The following SZRD1 variants were observed in gnomAD, a reference collection of about 807,000 sequenced individuals.
SZRD1 encodes the protein SUZ RNA-binding domain-containing.
In SZRD1, 7 loss-of-function variants were observed where a neutral mutation model predicts 17.6. That is an observed-to-expected ratio of 0.40 (90% confidence interval 0.23 to 0.75). The LOEUF (loss-of-function observed/expected upper bound fraction) is 0.75, where lower values mean the gene tolerates loss of function less well. Ranked by LOEUF, SZRD1 falls within the 30% of genes least tolerant of loss-of-function variation. SZRD1 has a pLI of 0.38. For synonymous variants in SZRD1, 77 were observed against 77.9 expected (o/e 0.99, Z 0.06); for missense variants, 178 against 201.8 (o/e 0.88, Z 0.71).
intron 1 of SZRD1, among the ~76,000 whole-genome samples, chr1:16,369,758 A>T (rs984911583): frequency 3.3e-5 from 5 of 151,998 alleles, no homozygotes; most frequent in Non-Finnish European, 7.4e-5. Flanking sequence ...ACCCTATGGT[A>T]CATACCTGTA....
chr1:16,369,609 C>T, intron 1 of SZRD1: 2 of 601,716 alleles, frequency 3.3e-6, no homozygotes, highest in Non-Finnish European at 3.0e-6. Context: ...TGTACCGCGG[C>T]CAGGTGCTGT....
rs549064649 is a variant in SZRD1 at position 16,376,472 on chromosome 1, A to T, written c.51+9164A>T. Among the ~76,000 whole-genome samples the T allele has an allele frequency of 5.5e-4, 84 of 152,322 alleles. 1 individual carries two copies. The South Asian group carries it at 0.015, about 28-fold the overall frequency. Reference sequence around the variant, plus strand: ...TCGAAATCTTGATCATAAATGAGAAATAACTTTTTAACATTTGGCCAAGTG... The same window carrying T: ...TCGAAATCTTGATCATAAATGAGAATTAACTTTTTAACATTTGGCCAAGTG... On this transcript the variant is annotated intron_variant, in intron 1 of 3. Transcript: ENST00000401088.
rs987070056 is a variant in SZRD1 at position 16,393,094 on chromosome 1, G to A, written c.102-134G>A. The A allele has an allele frequency of 3.1e-6, 4 of 1,280,192 alleles. No individual in the cohort carries two copies. Among genetic ancestry groups the A allele is most frequent in the African/African-American group, 1.5e-5 (1 of 67,724 alleles). 79.3% of individuals were successfully genotyped at this position (1,280,192 alleles called of 1,614,324 possible). A position where few individuals can be genotyped will look rare whatever the true frequency, so the allele number is the denominator to read the frequency against. On this transcript the variant is annotated intron_variant, in intron 2 of 3. Coordinates refer to ENST00000401088, the MANE Select transcript of SZRD1 (RefSeq NM_001114600.3). The surrounding 1 kb of genome is among the most constrained non-coding windows in gnomAD (Gnocchi z 5.6). ...TTGAGGAGTGGAAATTTTGCTGTCT[G>A]GTCAGAGGCCAGAGAATCATGCATG...
At chr1:16,387,777 G>A (rs1157027995) in intron 1 of SZRD1, 1 of 445,900 alleles carries the variant, frequency 2.2e-6, no homozygotes, top group Non-Finnish European at 4.5e-6. Flanking sequence ...GAAGTTACTT[G>A]TGAGAAGCCC....
At chr1:16,377,789 C>T (rs2083029614) in intron 1 of SZRD1, among the ~76,000 whole-genome samples, 2 of 152,156 alleles carry the variant, frequency 1.3e-5, no homozygotes, top group Non-Finnish European at 2.9e-5. Context: ...CTTAGTAAAG[C>T]GTCATTCACA....
At chr1:16,378,410 G>A (rs921612504) in intron 1 of SZRD1, among the ~76,000 whole-genome samples, 7 of 149,518 alleles carry the variant, frequency 4.7e-5, no homozygotes, top group African/African-American at 1.7e-4. Flanking sequence ...TCAGCCTCCC[G>A]AGTAGCTGGA....
rs202230839 is a variant in SZRD1, at chr1:16,383,178, CTCCT to C, written c.52-8178_52-8175del. On this transcript the variant is annotated intron_variant, in intron 1 of 3. Transcript: ENST00000401088. ...CTTTTTCTTTTCTTTCTTTCTTTCT[CTCCT>C]TCCTTCCTTCCTTCCTTCTTGCTTG... is the stretch of plus-strand genomic sequence containing the variant. 4.6e-3 allele frequency among the ~76,000 whole-genome samples: 688 copies of C among 148,802 alleles called. 3 individuals carry two copies. Among genetic ancestry groups the C allele is most frequent in the East Asian group, 0.039 (195 of 5,032 alleles).
chr1:16,393,623 C>A lies in SZRD1; in HGVS notation c.356+141C>A. ...ATGCAGCTCCACTTGCTGATCCCAG[C>A]CTGCTGGCACTAGTTCACTGTGCCG... On this transcript the variant is annotated intron_variant, in intron 3 of 3. Coordinates refer to ENST00000401088, the MANE Select transcript of SZRD1 (RefSeq NM_001114600.3). The surrounding 1 kb of genome is among the most constrained non-coding windows in gnomAD (Gnocchi z 5.6). 1.1e-6 allele frequency: 1 copy of A among 914,640 alleles called. No homozygotes were observed. The highest frequency in any genetic ancestry group is 1.6e-6 in the Non-Finnish European group (1 of 615,632). 56.7% of individuals were successfully genotyped at this position (914,640 alleles called of 1,614,324 possible).
intron 1 of SZRD1, among the ~76,000 whole-genome samples, chr1:16,371,618 C>G (rs1250578868): frequency 6.6e-6 from 1 of 151,718 alleles, no homozygotes; most frequent in African/African-American, 2.4e-5. Flanking sequence ...CCCACCACCA[C>G]GCCTGGCTAA....
intron 1 of SZRD1, among the ~76,000 whole-genome samples, chr1:16,386,620 C>G (rs80285479): frequency 6.6e-6 from 1 of 152,184 alleles, no homozygotes; most frequent in African/African-American, 2.4e-5. Context: ...CCCTCTCCAG[C>G]TGCTGGCAGA....
intron 1 of SZRD1, 71 bp downstream of exon 1, chr1:16,367,379 G>A: frequency 7.0e-7 from 1 of 1,433,822 alleles, no homozygotes; most frequent in Non-Finnish European, 9.5e-7. Flanking sequence ...CGGGGAGCGG[G>A]TCTGGAGATA....
intron 1 of SZRD1, among the ~76,000 whole-genome samples, chr1:16,384,016 G>A (rs2083148651): frequency 6.6e-6 from 1 of 152,204 alleles, no homozygotes; most frequent in South Asian, 2.1e-4. Flanking sequence ...AATATGTGAA[G>A]CATCCCTGTA....
At chr1:16,392,879 C>T (rs143959026) in intron 2 of SZRD1, among the ~76,000 whole-genome samples, 1 of 152,300 alleles carries the variant, frequency 6.6e-6, no homozygotes, top group East Asian at 1.9e-4. Context: ...TAACTGACGT[C>T]ATTCAATTCT....
rs2085313678 is a variant in SZRD1, at chr1:16,396,475, CTG to C, written c.*1337_*1338del. 1 of 152,252 alleles carries C rather than the reference CTG, an allele frequency of 6.6e-6. No homozygotes were observed. The highest frequency in any genetic ancestry group is 2.4e-5 in the African/African-American group (1 of 41,460). 9.4% of individuals were successfully genotyped at this position (152,252 alleles called of 1,614,324 possible). On this transcript the variant is annotated 3_prime_UTR_variant, in exon 4 of 4. Coordinates refer to ENST00000401088, the MANE Select transcript of SZRD1 (RefSeq NM_001114600.3). ...GCCTGGAATGAAGGCAGTTTATCCTCTGTCCCTGGAGCCTGGGGTTTGCTTTG... is the reference window on the plus strand; with the variant it reads ...GCCTGGAATGAAGGCAGTTTATCCTCTCCCTGGAGCCTGGGGTTTGCTTTG...
chr1:16,388,039 G>A (rs1439774667), intron 1 of SZRD1, among the ~76,000 whole-genome samples: 1 of 152,144 alleles, frequency 6.6e-6, no homozygotes, highest in Non-Finnish European at 1.5e-5. Context: ...TTCCAAGCTG[G>A]AGCGAGAGGT....
At chr1:16,374,067 G>T (rs1314209860) in intron 1 of SZRD1, among the ~76,000 whole-genome samples, 1 of 152,146 alleles carries the variant, frequency 6.6e-6, no homozygotes, top group Admixed American at 6.5e-5. Flanking sequence ...ACAAAAAAAG[G>T]CTATGGGTAG....
At chr1:16,370,743 C>T (rs2082900791) in intron 1 of SZRD1, among the ~76,000 whole-genome samples, 1 of 152,014 alleles carries the variant, frequency 6.6e-6, no homozygotes, top group African/African-American at 2.4e-5. Context: ...CTCTAGCAGT[C>T]CTCCTGCCTC....
At chr1:16,389,852 T>A (rs932007897) in intron 1 of SZRD1, among the ~76,000 whole-genome samples, 2 of 152,238 alleles carry the variant, frequency 1.3e-5, no homozygotes, top group African/African-American at 4.8e-5. Flanking sequence ...ACGGCTGTGG[T>A]TCTTCACATT....
At position 16,395,280 on chromosome 1, in the gene SZRD1, C is replaced by T; in HGVS notation, c.*140C>T. On this transcript the variant is annotated 3_prime_UTR_variant, in exon 4 of 4. Coordinates refer to ENST00000401088, the MANE Select transcript of SZRD1 (RefSeq NM_001114600.3). ...TACTTGCACTGTGATCCCCCTTGCT[C>T]CGCCCACTGTGACCTTGAACCCCAT... The T allele has an allele frequency of 1.4e-6, 1 of 709,682 alleles. No homozygotes were observed. Among genetic ancestry groups the T allele is most frequent in the Non-Finnish European group, 2.6e-6 (1 of 382,636 alleles). The allele number at this position is 709,682 out of a possible 1,614,324, so 44.0% of individuals were successfully genotyped here. A position where few individuals can be genotyped will look rare whatever the true frequency, so the allele number is the denominator to read the frequency against.
Sources: allele counts gnomAD v4.1 joint callset (sites outside exome capture counted in the v4.1 genomes callset), GRCh38; gene constraint gnomAD v4.1.1; non-coding constraint Gnocchi (gnomAD v3.1); transcripts MANE v1.5; gene names NCBI Gene and HGNC (gene_info 2026-07-23, HGNC 2026-07-21).